OPN5: variants seen among roughly 807,000 people sequenced by gnomAD.
OPN5 encodes opsin-5.
Under a neutral mutation model 41.7 loss-of-function variants are expected in OPN5, and 18 were observed. The observed-to-expected ratio is 0.43, with a 90% CI of 0.30 to 0.64. The LOEUF is 0.64. Ranked by LOEUF, OPN5 falls within the 30% of genes least tolerant of loss-of-function variation. The pLI is 0.13. For missense variants in OPN5, 318 were observed against 434.5 expected, an observed-to-expected ratio of 0.73 and a Z score of 2.38; for synonymous variants, 178 against 164.3, an observed-to-expected ratio of 1.08 and a Z score of -0.64.
chr6:47,824,628 A>T (rs1368843051), exon 7 of OPN5: 1 of 152,256 alleles, frequency 6.6e-6, no homozygotes, highest in Non-Finnish European at 1.5e-5. Context: ...TTCTTACTAC[A>T]GTTAATATGT....
intron 4 of OPN5, among the ~76,000 whole-genome samples, chr6:47,800,365 T>C (rs1773721588): frequency 1.3e-5 from 2 of 152,022 alleles, no homozygotes; most frequent in Non-Finnish European, 2.9e-5. Flanking sequence ...GGGAATGAAA[T>C]CATAGGGGGT....
rs142689012 is a variant in OPN5 at position 47,783,703 on chromosome 6, A to G, written c.130+1507A>G. Among the ~76,000 whole-genome samples the G allele has an allele frequency of 5.5e-4, 84 of 152,350 alleles. 1 individual carries two copies. In the East Asian group the frequency reaches 0.016, roughly 28 times the overall value. On this transcript the variant is annotated intron_variant, in intron 1 of 6. Transcript: ENST00000371211. ...GCCACTGTTTTAAGTTGCTGGGAAT[A>G]GAGCAGAGAATAAAATGGGCAAACA...
chr6:47,787,989 T>C (rs1773244873), intron 2 of OPN5, among the ~76,000 whole-genome samples: 1 of 152,242 alleles, frequency 6.6e-6, no homozygotes, highest in Admixed American at 6.5e-5. Flanking sequence ...ATCCTCCGCA[T>C]TCTGAGTCAC....
intron 5 of OPN5, among the ~76,000 whole-genome samples, chr6:47,809,978 T>C (rs1452169998): frequency 6.6e-6 from 1 of 152,236 alleles, no homozygotes; most frequent in Non-Finnish European, 1.5e-5. Context: ...CTCTGTGTTC[T>C]GTACATTCAC....
At chr6:47,817,413 G>A (rs1762462461) in intron 6 of OPN5, among the ~76,000 whole-genome samples, 1 of 152,080 alleles carries the variant, frequency 6.6e-6, no homozygotes, top group Non-Finnish European at 1.5e-5. Context: ...ATACATAAAA[G>A]TGTATTTAAA....
At chr6:47,782,768 G>A in intron 1 of OPN5, among the ~76,000 whole-genome samples, 1 of 152,148 alleles carries the variant, frequency 6.6e-6, no homozygotes, top group East Asian at 1.9e-4. Flanking sequence ...ATGGAAGAAA[G>A]TCCGGGGTCA....
chr6:47,826,147 A>G (rs758658719), downstream of OPN5: 1 of 152,138 alleles, frequency 6.6e-6, no homozygotes, highest in Non-Finnish European at 1.5e-5. Flanking sequence ...ACTCCCATGT[A>G]TCCATCATCC....
At chr6:47,817,165 G>A (rs375486073) in intron 6 of OPN5, among the ~76,000 whole-genome samples, 59 of 152,210 alleles carry the variant, frequency 3.9e-4, no homozygotes, top group African/African-American at 1.2e-3. Context: ...ACTCCACTCC[G>A]GTGGGAGTCA....
chr6:47,800,181 G>A (rs979242489), intron 4 of OPN5, among the ~76,000 whole-genome samples: 1 of 152,202 alleles, frequency 6.6e-6, no homozygotes, highest in African/African-American at 2.4e-5. Context: ...AAAGACCATG[G>A]CATTACAATA....
intron 6 of OPN5, among the ~76,000 whole-genome samples, chr6:47,814,507 G>T (rs1762372198): frequency 6.6e-6 from 1 of 152,216 alleles, no homozygotes; most frequent in Middle Eastern, 3.4e-3. Flanking sequence ...TGAAAAATAT[G>T]ATTTAAGTCC....
chr6:47,811,798 A>C, intron 6 of OPN5, 67 bp downstream of exon 6: 1 of 995,930 alleles, frequency 1.0e-6, no homozygotes, highest in Non-Finnish European at 1.6e-6. Context: ...CACTGCTGTA[A>C]ACATTTGATT....
chr6:47,796,980 G>C (rs1447156357), intron 4 of OPN5, among the ~76,000 whole-genome samples: 5 of 152,216 alleles, frequency 3.3e-5, no homozygotes, highest in Non-Finnish European at 7.3e-5. Flanking sequence ...GCAGGCAAGA[G>C]AGCATGTGCA....
chr6:47,807,029 C>A (rs1303377048), intron 4 of OPN5, among the ~76,000 whole-genome samples: 1 of 152,098 alleles, frequency 6.6e-6, no homozygotes, highest in African/African-American at 2.4e-5. Context: ...TGGTGGTGTG[C>A]ACCTGTAATC....
chr6:47,787,380 A>G (rs2113949138), intron 2 of OPN5: 1 of 152,762 alleles, frequency 6.5e-6, no homozygotes, highest in Admixed American at 6.5e-5. Flanking sequence ...CCTTCACTAT[A>G]ATTCAATTTA....
At chr6:47,816,982 G>T (rs115236203) in intron 6 of OPN5, among the ~76,000 whole-genome samples, 235 of 152,232 alleles carry the variant, frequency 1.5e-3, no homozygotes, top group Middle Eastern at 3.4e-3. Flanking sequence ...CCATAGATCT[G>T]GGAGATGTTC....
At chr6:47,790,782 A>G (rs530924996) in intron 2 of OPN5, among the ~76,000 whole-genome samples, 1 of 152,236 alleles carries the variant, frequency 6.6e-6, no homozygotes, top group South Asian at 2.1e-4. Context: ...TATTCACAGT[A>G]GCTAGTTCAC....
intron 5 of OPN5, 87 bp from the exon 6 acceptor site, chr6:47,811,587 C>T: frequency 1.5e-6 from 1 of 678,210 alleles, no homozygotes; most frequent in Non-Finnish European, 2.5e-6. Flanking sequence ...AGTCGTTTGA[C>T]ATATACATAT....
chr6:47,810,961 T>C (rs557337394), intron 5 of OPN5, among the ~76,000 whole-genome samples: 34 of 152,284 alleles, frequency 2.2e-4, no homozygotes, highest in African/African-American at 7.7e-4. Flanking sequence ...GAGCTTCCGT[T>C]GTTTAATTGT....
Position 47,791,977 on chromosome 6 carries a change from G to T in OPN5, c.421+5G>T. ...AAATCTGCTATTTATCTTATGGTAA[G>T]TTGGCAGGTTTCTCATTCCCTGACA... On this transcript the variant is annotated splice_donor_5th_base_variant and intron_variant, in intron 3 of 6. Coordinates refer to ENST00000371211, the Ensembl canonical transcript of OPN5. 6.2e-7 allele frequency: 1 copy of T among 1,610,856 alleles called. No individual in the cohort carries two copies. Among genetic ancestry groups the T allele is most frequent in the Non-Finnish European group, 8.5e-7 (1 of 1,178,048 alleles).
Sources: gnomAD v4.1 joint callset for allele counts (sites outside exome capture counted in the v4.1 genomes callset) on GRCh38, gnomAD v4.1.1 for gene constraint, MANE v1.5 for transcripts, NCBI Gene and HGNC (gene_info 2026-07-23, HGNC 2026-07-21) for gene names.